Variants in GMIP observed in about 807,000 individuals in gnomAD.
GMIP encodes GEM interacting protein, also known as GEM-interacting protein.
GMIP carries 54 observed loss-of-function variants against 105.3 expected under a neutral mutation model. That is an observed-to-expected ratio of 0.51 (90% CI 0.41 to 0.64). GMIP has a LOEUF of 0.64. GMIP is among the 30% of genes least tolerant of loss of function. The pLI is 0.00. For synonymous variants in GMIP, 541 were observed against 560.8 expected (o/e 0.96, Z 0.50); for missense variants, 1,110 against 1,319.4 (o/e 0.84, Z 2.46).
In GMIP at chr19:19,642,069, G is replaced by A. The variant is rs1343607070; in HGVS notation, c.105-18C>T. ...CAAGGGTCCTGGGGGATAAAGGTGT[G>A]TCAGGATGCCACCTTACACCCAGTC... On this transcript the variant is annotated intron_variant, in intron 2 of 20. Coordinates refer to ENST00000203556, the MANE Select transcript of GMIP (RefSeq NM_016573.4). 6.3e-7 allele frequency: 1 copy of A among 1,578,364 alleles called. No homozygotes were observed. Among genetic ancestry groups the A allele is most frequent in the Non-Finnish European group, 8.7e-7 (1 of 1,149,040 alleles).
At position 19,635,703 on chromosome 19, in the gene GMIP, A is replaced by G. The variant is rs781773905; in HGVS notation, c.1346T>C (p.Leu449Pro). 1.2e-6 allele frequency: 2 copies of G among 1,614,102 alleles called. No homozygotes were observed. The highest frequency in any genetic ancestry group is 1.7e-6 in the Non-Finnish European group (2 of 1,179,962). ...AGTGCCTGTGGACGAAGCCTTCACC[A>G]GCTGCCTCGTGCCAGCGCCTGGGGT... is the stretch of plus-strand genomic sequence containing the variant. Reference protein sequence around the residue: ...TSSPGAGTRQLVKASSTGTES... With the variant: ...TSSPGAGTRQPVKASSTGTES... Residue 449 changes from leucine (L) to proline (P), a missense_variant, in exon 14 of 21, where the codon CTG becomes CCG. Physicochemically the swap from Leu to Pro is moderately conservative, Grantham distance 98. Coordinates refer to ENST00000203556, the MANE Select transcript of GMIP (RefSeq NM_016573.4). This position sits in a 1 kb window ranked among gnomAD's most constrained non-coding sequence, Gnocchi z 4.7.
At position 19,630,159 on chromosome 19, in the gene GMIP, C is replaced by T. The variant is rs2061778317; in HGVS notation, c.2717G>A (p.Gly906Glu). Reference sequence around the variant, plus strand: ...GCTGGGCCCCCGCCCCCGCAAACTCCCTCTGGGCACTGATGTGATGGGGGT... The same window carrying T: ...GCTGGGCCCCCGCCCCCGCAAACTCTCTCTGGGCACTGATGTGATGGGGGT... ...EETPITSVPR[G>E]SLRGRGPSPA... is the part of the protein sequence containing the mutation. Residue 906 changes from glycine to glutamate, a missense_variant, in exon 21 of 21, where the codon GGG becomes GAG. Around this residue, in one of 3 missense-constraint regions of GMIP, gnomAD observed 394 missense variants for 450.5 expected, o/e 0.87. Coordinates refer to ENST00000203556, the MANE Select transcript of GMIP (RefSeq NM_016573.4). This position sits in a 1 kb window ranked among gnomAD's most constrained non-coding sequence, Gnocchi z 4.8. The T allele has an allele frequency of 1.9e-6, 3 of 1,604,626 alleles. No individual in the cohort carries two copies. The highest frequency in any genetic ancestry group is 1.3e-5 in the African/African-American group (1 of 74,776).
At chr19:19,638,781 T>C (rs554799110) in intron 7 of GMIP, among the ~76,000 whole-genome samples, 80 of 148,842 alleles carry the variant, frequency 5.4e-4, no homozygotes, top group East Asian at 7.8e-4. Flanking sequence ...ATTTCTTCTT[T>C]TTTTTTTTTT....
Position 19,629,600 on chromosome 19 carries a change from G to A in GMIP, c.*363C>T, listed in dbSNP as rs2061770931. The A allele has an allele frequency of 8.7e-6, 2 of 229,964 alleles. No individual in the cohort carries two copies. Among genetic ancestry groups the A allele is most frequent in the South Asian group, 7.2e-5 (1 of 13,890 alleles). 14.2% of individuals were successfully genotyped at this position (229,964 alleles called of 1,614,324 possible). A position where few individuals can be genotyped will look rare whatever the true frequency, so the allele number is the denominator to read the frequency against. On this transcript the variant is annotated 3_prime_UTR_variant, in exon 21 of 21. Transcript: ENST00000203556. ...GAAGGAGGCAGGCAGGTGTGGGGGA[G>A]TGACCACAACCAAAGTAGCAAAAGC...
At chr19:19,633,762 A>G (rs754545689) in intron 19 of GMIP, 41 bp downstream of exon 19, 8 of 1,358,726 alleles carry the variant, frequency 5.9e-6, no homozygotes, top group East Asian at 2.6e-5. Flanking sequence ...TTGAACAGAG[A>G]TAAGGCCCTC....
Position 19,640,198 on chromosome 19 carries a change from G to GA in GMIP, c.430-7dup, listed in dbSNP as rs1555747843. ...TACTGCAGAGGCATGTGGCTCTGGG[G>GA]AAGACAGAGTGGTGTAGGAGGATAC... On this transcript the variant is annotated splice_polypyrimidine_tract_variant and splice_region_variant and intron_variant, in intron 6 of 20. Coordinates refer to ENST00000203556, the MANE Select transcript of GMIP (RefSeq NM_016573.4). 6.2e-7 allele frequency: 1 copy of GA among 1,604,538 alleles called. No homozygotes were observed. Among genetic ancestry groups the GA allele is most frequent in the Non-Finnish European group, 8.5e-7 (1 of 1,171,868 alleles).
rs1236291459 is a variant in GMIP, at chr19:19,634,829, T to C, written c.1850A>G (p.His617Arg). ...ALVELSGNSP[H>R]DVSSVLKRFL... ...TCGCTTGAGGACACTCGAGACGTCA[T>C]GAGGCGAGTTCCCCGACAGCTCCAC... Residue 617 changes from histidine (H) to arginine (R), a missense_variant, in exon 17 of 21, where the codon CAT becomes CGT. By Grantham distance (29) the His-to-Arg change is conservative. Transcript: ENST00000203556. The surrounding 1 kb of genome is among the most constrained non-coding windows in gnomAD (Gnocchi z 6.1). The C allele has an allele frequency of 6.2e-7, 1 of 1,613,702 alleles. No homozygotes were observed. Among genetic ancestry groups the C allele is most frequent in the Non-Finnish European group, 8.5e-7 (1 of 1,180,026 alleles).
chr19:19,642,649 A>G, intron 1 of GMIP, 30 bp from the exon 2 acceptor site: 1 of 1,189,244 alleles, frequency 8.4e-7, no homozygotes, highest in Middle Eastern at 2.0e-4. Context: ...TACATGGGCT[A>G]ACCACTGCCT....
At position 19,635,473 on chromosome 19, in the gene GMIP, C is replaced by T; in HGVS notation, c.1502G>A (p.Gly501Asp). 6.2e-7 allele frequency: 1 copy of T among 1,610,534 alleles called. No individual in the cohort carries two copies. Among genetic ancestry groups the T allele is most frequent in the East Asian group, 2.2e-5 (1 of 44,890 alleles). Reference protein sequence around the residue: ...AQTHQLRRLRGPAKCRECEAF... With the variant: ...AQTHQLRRLRDPAKCRECEAF... ...TTCGCACTCGCGGCACTTGGCTGGG[C>T]CCCGCAGTCGCCGCAGCTGGTGGGT... Residue 501 changes from glycine (G) to aspartate (D), a missense_variant, in exon 15 of 21, where the codon GGC becomes GAC. By Grantham distance (94) the Gly-to-Asp change is moderately conservative. Coordinates refer to ENST00000203556, the MANE Select transcript of GMIP (RefSeq NM_016573.4). This position sits in a 1 kb window ranked among gnomAD's most constrained non-coding sequence, Gnocchi z 4.7.
At chr19:19,639,327 C>G (rs1228727774) in intron 7 of GMIP, among the ~76,000 whole-genome samples, 1 of 151,844 alleles carries the variant, frequency 6.6e-6, no homozygotes, top group African/African-American at 2.4e-5. Context: ...GCAATCCTCC[C>G]TCCTTGGCCC....
rs2061845837 is a variant in GMIP, at chr19:19,635,593, T to C, written c.1406-24A>G. ...GTCTGCAGGGAGACAGGGTCAGGAGTGCCTGGTGCCCTGCCCTGTCCCATC... is the reference window on the plus strand; with the variant it reads ...GTCTGCAGGGAGACAGGGTCAGGAGCGCCTGGTGCCCTGCCCTGTCCCATC... On this transcript the variant is annotated intron_variant, in intron 14 of 20. Coordinates refer to ENST00000203556, the MANE Select transcript of GMIP (RefSeq NM_016573.4). This position sits in a 1 kb window ranked among gnomAD's most constrained non-coding sequence, Gnocchi z 4.7. The C allele has an allele frequency of 1.2e-6, 2 of 1,612,938 alleles. No individual in the cohort carries two copies. Among genetic ancestry groups the C allele is most frequent in the East Asian group, 2.2e-5 (1 of 44,814 alleles).
intron 6 of GMIP, 26 bp from the exon 7 acceptor site, chr19:19,640,218 G>T: frequency 6.3e-7 from 1 of 1,585,364 alleles, no homozygotes; most frequent in South Asian, 1.1e-5. Context: ...TGGTGTAGGA[G>T]GATACTGAAG....
In GMIP at chr19:19,643,590, GGC is replaced by G; in HGVS notation, c.-63_-62del. ...TGGGGATGGGGTCGCGCGCCGGCGG[GGC>G]CGAGCCCCGATTTCCTGCCGCCGCA... On this transcript the variant is annotated 5_prime_UTR_variant, in exon 1 of 21. Coordinates refer to ENST00000203556, the MANE Select transcript of GMIP (RefSeq NM_016573.4). 6.9e-7 allele frequency: 1 copy of G among 1,445,860 alleles called. No individual in the cohort carries two copies. The highest frequency in any genetic ancestry group is 9.3e-7 in the Non-Finnish European group (1 of 1,075,116). 89.6% of individuals were successfully genotyped at this position (1,445,860 alleles called of 1,614,324 possible). A position where few individuals can be genotyped will look rare whatever the true frequency, so the allele number is the denominator to read the frequency against.
chr19:19,640,244 A>T, intron 6 of GMIP, 52 bp from the exon 7 acceptor site: 2 of 1,377,000 alleles, frequency 1.5e-6, no homozygotes, highest in Non-Finnish European at 2.0e-6. Flanking sequence ...TGGGGGACAA[A>T]GGTGGGGTTC....
Position 19,636,720 on chromosome 19 carries a change from G to A in GMIP, c.1314C>T (p.Pro438=), listed in dbSNP as rs1568415186. ...TCCTATCCCTACCTGGGCTGGAAGT[G>A]GGTGAGTCCAGGGACCGAGACTCGC... ...GGSESRSLDS[P]TSSPGAGTRQ... Residue 438 remains proline (P), a synonymous_variant, in exon 13 of 21, where the codon CCC becomes CCT. Transcript: ENST00000203556. 4 of 1,612,608 alleles carry A rather than the reference G, an allele frequency of 2.5e-6. No individual in the cohort carries two copies. The highest frequency in any genetic ancestry group is 3.4e-6 in the Non-Finnish European group (4 of 1,179,022).
In GMIP at chr19:19,629,832, T is replaced by C; in HGVS notation, c.*131A>G. The C allele has an allele frequency of 3.4e-6, 3 of 895,492 alleles. No individual in the cohort carries two copies. The South Asian group carries it at 5.3e-5, about 16-fold the overall frequency. The allele number at this position is 895,492 out of a possible 1,614,324, so 55.5% of individuals were successfully genotyped here. ...TCATGTATTAAATAGTTTTTCCTTA[T>C]AGGAACCCTCTGGACCTCTCCCAGC... On this transcript the variant is annotated 3_prime_UTR_variant, in exon 21 of 21. Transcript: ENST00000203556.
chr19:19,640,245 G>T (rs758159380), intron 6 of GMIP, 51 bp downstream of exon 6: 1 of 1,584,922 alleles, frequency 6.3e-7, no homozygotes, highest in Non-Finnish European at 8.7e-7. Flanking sequence ...GGGGGACAAA[G>T]GTGGGGTTCT....
At chr19:19,642,727 A>G (rs2061936160) in intron 1 of GMIP, 108 bp from the exon 2 acceptor site, 1 of 533,796 alleles carries the variant, frequency 1.9e-6, no homozygotes, top group Non-Finnish European at 3.5e-6. Flanking sequence ...AGAGTGAGAG[A>G]GAGAAAGAGA....
intron 19 of GMIP, among the ~76,000 whole-genome samples, chr19:19,632,408 T>C (rs934970134): frequency 6.6e-6 from 1 of 152,088 alleles, no homozygotes; most frequent in Non-Finnish European, 1.5e-5. Flanking sequence ...GAGACCAGCC[T>C]GGCTAACATG....
Sources: gnomAD v4.1 joint callset for allele counts (sites outside exome capture counted in the v4.1 genomes callset) on GRCh38, gnomAD v4.1.1 for gene constraint, gnomAD v4.1.1 regional missense constraint, Gnocchi (gnomAD v3.1) non-coding constraint, MANE v1.5 for transcripts, NCBI Gene and HGNC (gene_info 2026-07-23, HGNC 2026-07-21) for gene names.